The following PABPC4L variants were observed in gnomAD, a reference collection of about 807,000 sequenced individuals.
PABPC4L encodes poly(A) binding protein cytoplasmic 4 like.
For synonymous variants in PABPC4L, 169 were observed against 164.1 expected, an observed-to-expected ratio of 1.03 and a Z score of -0.23; for missense variants, 452 against 451.4, an observed-to-expected ratio of 1.00 and a Z score of -0.01.
the PABPC4L span, among the ~76,000 whole-genome samples, chr4:134,038,153 T>G: frequency 6.6e-6 from 1 of 152,168 alleles, no homozygotes; most frequent in Non-Finnish European, 1.5e-5. Context: ...GAACCAGCCT[T>G]GCATCCCAGG....
the PABPC4L span, among the ~76,000 whole-genome samples, chr4:134,185,287 A>T: frequency 1.3e-5 from 2 of 152,126 alleles, no homozygotes; most frequent in African/African-American, 4.8e-5. Flanking sequence ...AAAAATCCTC[A>T]ATAAAATACT....
At chr4:134,057,734 T>C in the PABPC4L span, among the ~76,000 whole-genome samples, 1 of 152,088 alleles carries the variant, frequency 6.6e-6, no homozygotes, top group Non-Finnish European at 1.5e-5. Context: ...AAGCTGGCAA[T>C]ATATGAGGCA....
chr4:134,171,961 G>T, the PABPC4L span, among the ~76,000 whole-genome samples: 15 of 151,304 alleles, frequency 9.9e-5, no homozygotes, highest in African/African-American at 1.7e-4. Flanking sequence ...ACCTAACAGG[G>T]GCATGAAATA....
chr4:134,106,249 G>A, the PABPC4L span, among the ~76,000 whole-genome samples: 3 of 151,414 alleles, frequency 2.0e-5, no homozygotes, highest in African/African-American at 7.3e-5. Context: ...TTTCCCAATT[G>A]CCTGATAATT....
At chr4:134,135,635 C>T in the PABPC4L span, among the ~76,000 whole-genome samples, 2 of 151,970 alleles carry the variant, frequency 1.3e-5, no homozygotes, top group African/African-American at 2.4e-5. Context: ...AGTTTGAGAC[C>T]AGCCTGACCA....
the PABPC4L span, among the ~76,000 whole-genome samples, chr4:134,059,436 G>C: frequency 1.2e-3 from 174 of 147,166 alleles, 3 homozygotes; most frequent in East Asian, 0.03. Flanking sequence ...GTGTATATAT[G>C]TATATATACA....
At chr4:134,048,974 G>GTATA in the PABPC4L span, among the ~76,000 whole-genome samples, 1 of 151,984 alleles carries the variant, frequency 6.6e-6, no homozygotes, top group East Asian at 1.9e-4. Context: ...CTAGATTCAA[G>GTATA]TATAAAATAC....
chr4:134,151,412 G>C, the PABPC4L span, among the ~76,000 whole-genome samples: 1 of 151,974 alleles, frequency 6.6e-6, no homozygotes, highest in Admixed American at 6.6e-5. Context: ...TGTTGGTGTT[G>C]TTCATCAAAA....
At chr4:134,160,162 T>C in the PABPC4L span, among the ~76,000 whole-genome samples, 2 of 152,098 alleles carry the variant, frequency 1.3e-5, no homozygotes, top group African/African-American at 2.4e-5. Context: ...AGTACCATGC[T>C]GATCTGGAAA....
At chr4:134,113,547 G>T in the PABPC4L span, among the ~76,000 whole-genome samples, 2 of 151,848 alleles carry the variant, frequency 1.3e-5, no homozygotes, top group Non-Finnish European at 2.9e-5. Context: ...TCTGGTTTGT[G>T]TAAGTACACT....
At chr4:134,167,941 T>G in the PABPC4L span, among the ~76,000 whole-genome samples, 3 of 152,006 alleles carry the variant, frequency 2.0e-5, no homozygotes, top group Non-Finnish European at 4.4e-5. Flanking sequence ...ACAAATTGAT[T>G]TAATAGACAC....
the PABPC4L span, among the ~76,000 whole-genome samples, chr4:134,122,222 C>G: frequency 6.6e-6 from 1 of 151,732 alleles, no homozygotes; most frequent in Non-Finnish European, 1.5e-5. Context: ...AATCAGCGTT[C>G]ATTTCAGTTT....
chr4:134,117,388 A>T, the PABPC4L span, among the ~76,000 whole-genome samples: 1 of 151,798 alleles, frequency 6.6e-6, no homozygotes, highest in Non-Finnish European at 1.5e-5. Flanking sequence ...AGACCACATG[A>T]GAAAGCCCTG....
the PABPC4L span, among the ~76,000 whole-genome samples, chr4:134,084,789 T>C: frequency 6.6e-6 from 1 of 152,178 alleles, no homozygotes; most frequent in Admixed American, 6.5e-5. Context: ...GCCCTTCATT[T>C]TTCTAGCCAC....
the PABPC4L span, among the ~76,000 whole-genome samples, chr4:134,112,604 ATC>A: frequency 4.0e-5 from 6 of 151,362 alleles, no homozygotes; most frequent in South Asian, 2.1e-4. Flanking sequence ...CTATCTATCT[ATC>A]TATCTATCTA....
At chr4:133,995,255 A>G in the PABPC4L span, among the ~76,000 whole-genome samples, 1 of 152,100 alleles carries the variant, frequency 6.6e-6, no homozygotes, top group Non-Finnish European at 1.5e-5. Flanking sequence ...CTTGGTCTCT[A>G]CTATTGGGGC....
chr4:134,015,047 C>A, the PABPC4L span, among the ~76,000 whole-genome samples: 2 of 152,136 alleles, frequency 1.3e-5, no homozygotes, highest in East Asian at 3.9e-4. Context: ...TTTATCCCCC[C>A]ACCTTAACCC....
chr4:134,190,130 T>C, the PABPC4L span, among the ~76,000 whole-genome samples: 4 of 152,282 alleles, frequency 2.6e-5, no homozygotes, highest in Admixed American at 2.6e-4. Context: ...ACAGTTTATA[T>C]TTTCCTACTT....
chr4:134,164,155 T>G, the PABPC4L span, among the ~76,000 whole-genome samples: 1 of 144,054 alleles, frequency 6.9e-6, no homozygotes, highest in African/African-American at 2.6e-5. Flanking sequence ...CCCAGCTACT[T>G]GGGAGGCTGA....
Sources: gnomAD v4.1 joint callset for allele counts (sites outside exome capture counted in the v4.1 genomes callset) on GRCh38, gnomAD v4.1.1 for gene constraint, MANE v1.5 for transcripts, NCBI Gene and HGNC (gene_info 2026-07-23, HGNC 2026-07-21) for gene names.